The following DNAJA1 variants were observed in gnomAD, a reference collection of about 807,000 sequenced individuals.
The protein encoded by DNAJA1 is DnaJ heat shock protein family (Hsp40) member A1.
DNAJA1 carries 26 observed loss-of-function variants against 47.6 expected under a neutral mutation model. That is an observed-to-expected ratio of 0.55 (90% CI 0.40 to 0.76). DNAJA1 has a LOEUF of 0.76. Ranked by LOEUF, DNAJA1 falls within the 30% of genes least tolerant of loss-of-function variation. The pLI is 0.00. For synonymous variants in DNAJA1, 165 were observed against 158.4 expected, an observed-to-expected ratio of 1.04 and a Z score of -0.31; for missense variants, 315 against 485.0, an observed-to-expected ratio of 0.65 and a Z score of 3.29.
rs183519739 is a variant in DNAJA1 at position 33,037,197 on chromosome 9, G to A, written c.975+82G>A. ...TAAAAAAGTAAAATTTCAGCCAGGT[G>A]CAAGTAGCTCATGCCTGTAATCCCC... On this transcript the variant is annotated intron_variant, in intron 8 of 8. Transcript: ENST00000330899. 1.7e-4 allele frequency: 201 copies of A among 1,208,732 alleles called. 1 individual carries two copies. The African/African-American group carries it at 2.8e-3, about 17-fold the overall frequency. 74.9% of individuals were successfully genotyped at this position (1,208,732 alleles called of 1,614,324 possible).
At chr9:33,029,360 T>C (rs1838925759) in intron 3 of DNAJA1, among the ~76,000 whole-genome samples, 4 of 152,218 alleles carry the variant, frequency 2.6e-5, no homozygotes, top group African/African-American at 9.7e-5. Flanking sequence ...TGTTTTCTAC[T>C]AAATCAGGAA....
intron 6 of DNAJA1, among the ~76,000 whole-genome samples, chr9:33,034,972 A>T (rs1210197289): frequency 1.3e-5 from 2 of 149,526 alleles, no homozygotes; most frequent in East Asian, 3.9e-4. Context: ...GAGTGGCTTG[A>T]ACTCAGGAGT....
At chr9:33,026,033 TC>T (rs984210896) in intron 1 of DNAJA1, among the ~76,000 whole-genome samples, 3 of 151,994 alleles carry the variant, frequency 2.0e-5, no homozygotes, top group East Asian at 1.9e-4. Flanking sequence ...TATAAACCAC[TC>T]CCCCCCACCA....
At chr9:33,032,449 T>G (rs1838975377) in intron 5 of DNAJA1, among the ~76,000 whole-genome samples, 1 of 152,214 alleles carries the variant, frequency 6.6e-6, no homozygotes, top group South Asian at 2.1e-4. Context: ...CCTCAAATAA[T>G]GTCATGCAGG....
intron 6 of DNAJA1, among the ~76,000 whole-genome samples, chr9:33,035,134 A>G (rs1307218776): frequency 6.7e-6 from 1 of 148,802 alleles, no homozygotes; most frequent in African/African-American, 2.5e-5. Context: ...TTGGTGGCTT[A>G]CGCCTGTAAT....
intron 3 of DNAJA1, among the ~76,000 whole-genome samples, chr9:33,028,045 AAAAAAGAC>A (rs1427478228): frequency 1.3e-5 from 2 of 150,522 alleles, no homozygotes; most frequent in African/African-American, 5.0e-5. Context: ...AAAAAAAAAA[AAAAAAGAC>A]AAAGTATATA....
intron 5 of DNAJA1, among the ~76,000 whole-genome samples, chr9:33,033,594 G>A (rs1024162844): frequency 6.6e-6 from 1 of 152,122 alleles, no homozygotes; most frequent in Admixed American, 6.5e-5. Context: ...GGAGGCTGAG[G>A]TGGGAGGATC....
At chr9:33,026,070 G>A (rs1281643944) in intron 1 of DNAJA1, among the ~76,000 whole-genome samples, 1 of 152,208 alleles carries the variant, frequency 6.6e-6, no homozygotes, top group East Asian at 1.9e-4. Context: ...TCTTTTTCTG[G>A]AGAGTATATG....
At chr9:33,034,173 T>C (rs1213137719) in intron 5 of DNAJA1, 43 bp from the exon 6 acceptor site, 2 of 1,342,536 alleles carry the variant, frequency 1.5e-6, no homozygotes, top group Non-Finnish European at 1.0e-6. Context: ...CTGACCTTAG[T>C]TGGATATTTA....
rs914592363 is a variant in DNAJA1 at position 33,029,964 on chromosome 9, G to C, written c.390G>C (p.Lys130Asn). ...CAACAAGAAAACTGGCTCTGCAAAAGAATGTGATTTGTGACAAATGTGAAG... is the reference window on the plus strand; with the variant it reads ...CAACAAGAAAACTGGCTCTGCAAAACAATGTGATTTGTGACAAATGTGAAG... Reference protein sequence around the residue: ...NGATRKLALQKNVICDKCEGR... With the variant: ...NGATRKLALQNNVICDKCEGR... Residue 130 changes from lysine to asparagine, a missense_variant, in exon 4 of 9, where the codon AAG (lysine) becomes AAC (asparagine). Lys to Asn is a moderately conservative substitution (Grantham distance 94). This residue lies in a region of DNAJA1 where 100 missense variants were observed against 163.0 expected (regional missense o/e 0.61). Transcript: ENST00000330899. 2.5e-6 allele frequency: 4 copies of C among 1,613,370 alleles called. No individual in the cohort carries two copies. In the African/African-American group the frequency reaches 5.3e-5, roughly 22 times the overall value.
chr9:33,027,058 ATCAC>A, intron 3 of DNAJA1, 68 bp downstream of exon 3: 1 of 1,574,900 alleles, frequency 6.3e-7, no homozygotes, highest in African/African-American at 1.4e-5. Flanking sequence ...TCTTTGAGAA[ATCAC>A]CCATTTTAAA....
Position 33,039,729 on chromosome 9 carries a change from T to C in DNAJA1, c.*826T>C, listed in dbSNP as rs1317993343. ...TTCTTTAGGTATGTTACAGGATTAC[T>C]TTAAACCATTTGACTTTCGCTCCAA... On this transcript the variant is annotated 3_prime_UTR_variant, in exon 9 of 9. Transcript: ENST00000330899. 6.6e-6 allele frequency: 1 copy of C among 151,928 alleles called. No individual in the cohort carries two copies. The highest frequency in any genetic ancestry group is 6.6e-5 in the Admixed American group (1 of 15,226). 9.4% of individuals were successfully genotyped at this position (151,928 alleles called of 1,614,324 possible).
At position 33,039,149 on chromosome 9, in the gene DNAJA1, C is replaced by T. The variant is rs944691471; in HGVS notation, c.*246C>T. The T allele has an allele frequency of 6.3e-6, 3 of 478,464 alleles. No individual in the cohort carries two copies. Among genetic ancestry groups the T allele is most frequent in the African/African-American group, 5.9e-5 (3 of 51,242 alleles). 29.6% of individuals were successfully genotyped at this position (478,464 alleles called of 1,614,324 possible). A position where few individuals can be genotyped will look rare whatever the true frequency, so the allele number is the denominator to read the frequency against. ...AAAAACTACAAAGAAGTTCCCCTAG[C>T]ATTTCTAGGCCAAACCTTGTAATTG... On this transcript the variant is annotated 3_prime_UTR_variant, in exon 9 of 9. Coordinates refer to ENST00000330899, the MANE Select transcript of DNAJA1 (RefSeq NM_001539.4).
rs1838779999 is a variant in DNAJA1 at position 33,025,287 on chromosome 9, A to G, written c.-107A>G. On this transcript the variant is annotated 5_prime_UTR_variant, in exon 1 of 9. Transcript: ENST00000330899. The stretch of plus-strand genomic sequence containing the variant: ...CGGCGCGCCGGGCGGAACTTTCCAG[A>G]ACGCTCGGTGAGAGGCGGAGGAGCG... The G allele has an allele frequency of 6.6e-6, 1 of 152,372 alleles. No individual in the cohort carries two copies. The highest frequency in any genetic ancestry group is 2.4e-5 in the African/African-American group (1 of 41,396). The allele number at this position is 152,372 out of a possible 1,614,324, so 9.4% of individuals were successfully genotyped here.
At chr9:33,031,046 CTTTTAAGGA>C (rs1487339731) in intron 5 of DNAJA1, among the ~76,000 whole-genome samples, 1 of 152,182 alleles carries the variant, frequency 6.6e-6, no homozygotes, top group African/African-American at 2.4e-5. Context: ...GATAGGCATA[CTTTTAAGGA>C]TTTGAAAGGG....
intron 8 of DNAJA1, chr9:33,037,331 A>T (rs1839052908): frequency 5.9e-6 from 2 of 340,090 alleles, no homozygotes; most frequent in Non-Finnish European, 5.5e-6. Context: ...AAAAAAAAAA[A>T]ATTAAAATTT....
rs774816290 is a variant in DNAJA1, at chr9:33,038,922, T to G, written c.*19T>G. The G allele has an allele frequency of 6.3e-7, 1 of 1,593,480 alleles. No homozygotes were observed. Among genetic ancestry groups the G allele is most frequent in the East Asian group, 2.3e-5 (1 of 44,186 alleles). On this transcript the variant is annotated 3_prime_UTR_variant, in exon 9 of 9. Transcript: ENST00000330899. ...CTCTTAATGGGCCAGTGAATAACAC[T>G]CACTGCTGGCATTTAATGTGCAGTA... is the stretch of plus-strand genomic sequence containing the variant.
At chr9:33,038,598 A>C in intron 8 of DNAJA1, 87 bp from the exon 9 acceptor site, 1 of 1,223,416 alleles carries the variant, frequency 8.2e-7, no homozygotes, top group Admixed American at 2.3e-5. Flanking sequence ...ACGTGTTTAC[A>C]TGTGTTTTTC....
chr9:33,032,246 C>G (rs904099029), intron 5 of DNAJA1, among the ~76,000 whole-genome samples: 1 of 152,230 alleles, frequency 6.6e-6, no homozygotes, highest in African/African-American at 2.4e-5. Flanking sequence ...GGGTTCCACC[C>G]AAGAATGTAG....
Sources: allele counts gnomAD v4.1 joint callset (sites outside exome capture counted in the v4.1 genomes callset), GRCh38; gene constraint gnomAD v4.1.1; regional missense constraint gnomAD v4.1.1; transcripts MANE v1.5; gene names NCBI Gene and HGNC (gene_info 2026-07-23, HGNC 2026-07-21).